CHRNB4: variants seen among roughly 807,000 people sequenced by gnomAD.
CHRNB4 encodes the protein cholinergic receptor nicotinic beta 4 subunit.
In CHRNB4, 23 loss-of-function variants were observed where a neutral mutation model predicts 40.4. The ratio of observed to expected loss-of-function variants is 0.57; its 90% CI spans 0.41 to 0.81. The LOEUF (loss-of-function observed/expected upper bound fraction) is 0.81. Among genes scored for constraint, CHRNB4 ranks in the 30% least tolerant of loss-of-function variants. CHRNB4 has a pLI of 0.00. For missense variants in CHRNB4, 568 were observed against 670.6 expected (o/e 0.85, Z 1.69); for synonymous variants, 285 against 274.4 (o/e 1.04, Z -0.38).
In CHRNB4 at chr15:78,631,147, G is replaced by A. The variant is rs2053798789; in HGVS notation, c.288C>T (p.Arg96=). Residue 96 remains arginine, a synonymous_variant, in exon 4 of 6, where the codon CGC becomes CGT. Coordinates refer to ENST00000261751, the MANE Select transcript of CHRNB4 (RefSeq NM_000750.5). ...TDYRLTWNSS[R]YEGVNILRIP... ...TCCTCAGGATGTTCACACCCTCGTA[G>A]CGGGAGCTGTTCCAGGTCAGGCGGT... is the stretch of plus-strand genomic sequence containing the variant. 1 of 1,614,110 alleles carries A rather than the reference G, an allele frequency of 6.2e-7. No individual in the cohort carries two copies. The highest frequency in any genetic ancestry group is 1.3e-5 in the African/African-American group (1 of 74,938).
At chr15:78,648,877 C>A (rs937569588) in intron 7 of CHRNB4, among the ~76,000 whole-genome samples, 2 of 152,078 alleles carry the variant, frequency 1.3e-5, no homozygotes, top group African/African-American at 4.8e-5. Flanking sequence ...CTCCTAGGCT[C>A]AAGTGATCCT....
upstream of CHRNB4, among the ~76,000 whole-genome samples, chr15:78,645,921 A>T (rs1427452457): frequency 2.0e-5 from 3 of 152,000 alleles, no homozygotes; most frequent in Non-Finnish European, 4.4e-5. Context: ...TTAGCTGGGT[A>T]TGGTGGCGCA....
rs1567103824 is a variant in CHRNB4, at chr15:78,624,698, A to C, written c.*435T>G. On this transcript the variant is annotated 3_prime_UTR_variant, in exon 6 of 6. Transcript: ENST00000261751. ...ATATAGCAAGACTCCGTTTAAAAGA[A>C]AAAAAAAAAGATGATGATATGGCAA... 2.8e-6 allele frequency: 1 copy of C among 357,242 alleles called. No homozygotes were observed. Among genetic ancestry groups the C allele is most frequent in the Non-Finnish European group, 5.0e-6 (1 of 200,110 alleles). The allele number at this position is 357,242 out of a possible 1,614,324, so 22.1% of individuals were successfully genotyped here.
At position 78,635,450 on chromosome 15, in the gene CHRNB4, G is replaced by A; in HGVS notation, c.193C>T (p.Leu65Phe). 1 of 1,613,924 alleles carries A rather than the reference G, an allele frequency of 6.2e-7. No individual in the cohort carries two copies. Among genetic ancestry groups the A allele is most frequent in the Non-Finnish European group, 8.5e-7 (1 of 1,179,978 alleles). The change falls in exon 2 of 6, where the codon CTT becomes TTT. Residue 65 changes from leucine (L) to phenylalanine (F), a missense_variant. This residue lies in a region of CHRNB4 where 161 missense variants were observed against 148.1 expected (regional missense o/e 1.09). Transcript: ENST00000261751. Reference protein sequence around the residue: ...SIKLQLSLAQLISVNEREQIM... With the variant: ...SIKLQLSLAQFISVNEREQIM... ...CCCTCTGCACCTACCACGCTGATAA[G>A]CTGGGCCAGGGAGAGCTGCAGCTTG...
At chr15:78,648,146 C>T (rs1056406512) in intron 7 of CHRNB4, among the ~76,000 whole-genome samples, 1 of 152,102 alleles carries the variant, frequency 6.6e-6, no homozygotes, top group African/African-American at 2.4e-5. Context: ...GTAATCCCAG[C>T]ACTTTGGAAG....
intron 1 of CHRNB4, among the ~76,000 whole-genome samples, chr15:78,636,666 T>G (rs965985238): frequency 6.6e-6 from 1 of 151,680 alleles, no homozygotes; most frequent in African/African-American, 2.4e-5. Context: ...TGGTTTCAAG[T>G]GATTCCTCCT....
intron 1 of CHRNB4, among the ~76,000 whole-genome samples, chr15:78,659,871 A>G (rs974938368): frequency 2.6e-5 from 4 of 152,200 alleles, no homozygotes; most frequent in Non-Finnish European, 2.9e-5. Context: ...TAGGGGTTCA[A>G]TGTGGGAGCA....
At chr15:78,641,521 G>A (rs139573518), upstream of CHRNB4, among the ~76,000 whole-genome samples, 1 of 152,342 alleles carries the variant, frequency 6.6e-6, no homozygotes, top group East Asian at 1.9e-4. Flanking sequence ...GTGCTTGAGC[G>A]GGGAGGTCCT....
rs779810359 is a variant in CHRNB4 at position 78,649,209 on chromosome 15, A to G, written c.46+170T>C. The stretch of plus-strand genomic sequence containing the variant: ...TGGAGAGAAATTGATAATGTATTGT[A>G]AAGTCAAAGATGCTTCCGTCCAATG... On this transcript the variant is annotated intron_variant and NMD_transcript_variant, in intron 7 of 11. Transcript: ENST00000559849. Among the ~76,000 whole-genome samples the G allele has an allele frequency of 5.3e-5, 8 of 152,138 alleles. No homozygotes were observed. The Middle Eastern group carries it at 0.01, about 195-fold the overall frequency.
At chr15:78,656,177 A>C (rs1476053056) in intron 4 of CHRNB4, 2 of 152,106 alleles carry the variant, frequency 1.3e-5, no homozygotes, top group East Asian at 3.9e-4. Flanking sequence ...ATCTCTACTA[A>C]AAATACAAAA....
chr15:78,661,232 G>A (rs1389943329), upstream of CHRNB4: 1 of 608,800 alleles, frequency 1.6e-6, no homozygotes, highest in Admixed American at 1.9e-5. Context: ...TCCAGGGCCA[G>A]CTGGTCAAAA....
chr15:78,650,186 C>T (rs768004637), intron 6 of CHRNB4, among the ~76,000 whole-genome samples: 2 of 152,142 alleles, frequency 1.3e-5, no homozygotes, highest in Admixed American at 6.5e-5. Context: ...GGGTTCTGCC[C>T]GTGACTGTCG....
chr15:78,659,429 AAAAG>A (rs1352969019), intron 1 of CHRNB4, among the ~76,000 whole-genome samples: 4 of 152,188 alleles, frequency 2.6e-5, no homozygotes, highest in Non-Finnish European at 4.4e-5. Context: ...CCGTGTCTCA[AAAAG>A]AAAGAAAGAA....
chr15:78,646,979 C>A (rs923544195), intron 7 of CHRNB4, among the ~76,000 whole-genome samples: 6 of 151,924 alleles, frequency 3.9e-5, no homozygotes, highest in African/African-American at 1.2e-4. Flanking sequence ...CATCTCCTCT[C>A]TCTATATAAA....
rs2053796286 is a variant in CHRNB4 at position 78,631,077 on chromosome 15, TG to T, written c.357del (p.Asn119LysfsTer15). 6.2e-7 allele frequency: 1 copy of T among 1,613,438 alleles called. No homozygotes were observed. The highest frequency in any genetic ancestry group is 1.3e-5 in the African/African-American group (1 of 74,912). On this transcript the variant is annotated frameshift_variant and splice_region_variant, in exon 4 of 6. Transcript: ENST00000261751. LOFTEE classifies it high-confidence loss of function. ...GCCTCCACCAACCCTGCCACTCACTTGTTGTAAAGCACGATGTCAGGCAACC... is the reference window on the plus strand; with the variant it reads ...GCCTCCACCAACCCTGCCACTCACTTTTGTAAAGCACGATGTCAGGCAACC... ...RIWLPDIVLY[N>X]NADGTYEVSV... is the part of the protein sequence containing the mutation.
At position 78,641,147 on chromosome 15, in the gene CHRNB4, G is replaced by A. The variant is rs554081942; in HGVS notation, c.-14C>T. On this transcript the variant is annotated 5_prime_UTR_variant, in exon 1 of 6. Transcript: ENST00000261751. The stretch of plus-strand genomic sequence containing the variant: ...CGCGCGCCTCATGGCCGGCGGGGCC[G>A]GGTGGCAGCCGCCGCGAGCTCCGCT... 20 of 1,548,486 alleles carry A rather than the reference G, an allele frequency of 1.3e-5. No homozygotes were observed. The highest frequency in any genetic ancestry group is 2.8e-5 in the African/African-American group (2 of 72,252).
At chr15:78,658,185 C>A (rs2054229634) in intron 2 of CHRNB4, 1 of 152,062 alleles carries the variant, frequency 6.6e-6, no homozygotes, top group South Asian at 2.1e-4. Flanking sequence ...TGCCTGCCAC[C>A]ATGCCTGGCT....
chr15:78,646,194 A>C (rs1385244705), upstream of CHRNB4, among the ~76,000 whole-genome samples: 2 of 152,204 alleles, frequency 1.3e-5, no homozygotes, highest in African/African-American at 4.8e-5. Context: ...CTGGAAGAGA[A>C]CGGGAGCCCA....
At chr15:78,635,653 AG>A (rs2053934762) in intron 1 of CHRNB4, 66 bp from the exon 2 acceptor site, 1 of 1,592,356 alleles carries the variant, frequency 6.3e-7, no homozygotes, top group Admixed American at 1.7e-5. Flanking sequence ...AGCCTGTGGC[AG>A]CAGGGAGAGC....
Sources: allele counts gnomAD v4.1 joint callset (sites outside exome capture counted in the v4.1 genomes callset), GRCh38; gene constraint gnomAD v4.1.1; regional missense constraint gnomAD v4.1.1; transcripts MANE v1.5; gene names NCBI Gene and HGNC (gene_info 2026-07-23, HGNC 2026-07-21).